Variants in ERN2 observed in about 807,000 individuals in gnomAD.
ERN2 encodes serine/threonine-protein kinase/endoribonuclease IRE2.
A neutral mutation model predicts 107.9 loss-of-function variants in ERN2; 111 were observed. That is an observed-to-expected ratio of 1.03 (90% CI 0.88 to 1.20). The LOEUF (loss-of-function observed/expected upper bound fraction) is 1.20, where lower values mean the gene tolerates loss of function less well. Ranked by LOEUF, ERN2 falls within the 50% of genes most tolerant of loss-of-function variation. The pLI, the probability that ERN2 is intolerant of heterozygous loss-of-function variation, is 0.00. For synonymous variants in ERN2, 524 were observed against 501.7 expected (o/e 1.04, Z -0.59); for missense variants, 1,225 against 1,197.9 (o/e 1.02, Z -0.33).
At position 23,704,917 on chromosome 16, in the gene ERN2, C is replaced by T; in HGVS notation, c.820G>A (p.Ala274Thr). 1 of 1,612,814 alleles carries T rather than the reference C, an allele frequency of 6.2e-7. No individual in the cohort carries two copies. Among genetic ancestry groups the T allele is most frequent in the Non-Finnish European group, 8.5e-7 (1 of 1,180,020 alleles). Residue 274 changes from alanine to threonine, a missense_variant, in exon 8 of 22, where the codon GCC (alanine) becomes ACC (threonine). Physicochemically the swap from Ala to Thr is moderately conservative, Grantham distance 58. Coordinates refer to ENST00000256797, the MANE Select transcript of ERN2 (RefSeq NM_033266.4). Reference sequence around the variant, plus strand: ...GTGTCCAAGGTAGAGAAGAGGGTGGCTGTGTCCCGGGGGCCTGAGGCAGGC... The same window carrying T: ...GTGTCCAAGGTAGAGAAGAGGGTGGTTGTGTCCCGGGGGCCTGAGGCAGGC... ...RLPASGPRDT[A>T]TLFSTLDTQL...
At chr16:23,704,741 G>T in intron 8 of ERN2, 142 bp downstream of exon 8, 1 of 971,096 alleles carries the variant, frequency 1.0e-6, no homozygotes, top group South Asian at 1.5e-5. Context: ...CAACCAGTTG[G>T]GTAAGTAACC....
intron 4 of ERN2, among the ~76,000 whole-genome samples, chr16:23,707,962 A>G (rs751698554): frequency 5.5e-4 from 83 of 152,130 alleles, no homozygotes; most frequent in Admixed American, 1.6e-3. Context: ...TGTCTGGGTT[A>G]TGTCTGTGGG....
chr16:23,700,445 A>C (rs1177259649), intron 13 of ERN2, 94 bp downstream of exon 13: 3 of 1,294,468 alleles, frequency 2.3e-6, no homozygotes, highest in Non-Finnish European at 3.2e-6. Flanking sequence ...TAACCACCCC[A>C]CTATAGTGGC....
In ERN2 at chr16:23,700,690, C is replaced by T. The variant is rs371177134; in HGVS notation, c.1374G>A (p.Val458=). 9 of 1,612,780 alleles carry T rather than the reference C, an allele frequency of 5.6e-6. No homozygotes were observed. In the African/African-American group the frequency reaches 1.1e-4, roughly 19 times the overall value. Residue 458 remains valine (V), a synonymous_variant, in exon 13 of 22, where the codon GTG becomes GTA. Coordinates refer to ENST00000256797, the MANE Select transcript of ERN2 (RefSeq NM_033266.4). ...LFVMRQQQPQ[V]VEKQQETPLA... is the part of the protein sequence containing the mutation. ...GGGGGGTCTCCTGCTGCTTCTCCAC[C>T]ACCTGCGGCTGTTGCTGTAACATGA...
intron 4 of ERN2, 43 bp from the exon 5 acceptor site, chr16:23,707,122 A>C (rs1179868068): frequency 7.2e-7 from 1 of 1,382,896 alleles, no homozygotes; most frequent in Non-Finnish European, 1.0e-6. Context: ...GAGCAGCAAC[A>C]CACAGTGCTC....
chr16:23,710,904 C>T lies in ERN2; in HGVS notation c.199+9G>A. 6.2e-7 allele frequency: 1 copy of T among 1,600,404 alleles called. No homozygotes were observed. On this transcript the variant is annotated intron_variant, in intron 2 of 21. Transcript: ENST00000256797. ...CCCAAGGAGGGAGGAGGGACCACCT[C>T]TTGCTCACCATCCCTCAGAGTCCAC...
In ERN2 at chr16:23,702,653, C is replaced by T. The variant is rs1960135209; in HGVS notation, c.904G>A (p.Ala302Thr). Reference sequence around the variant, plus strand: ...AGGGCCACTCCTGTGTGGACCAGTGCTTTAGAGACATAGAAGCCAGTTTCA... The same window carrying T: ...AGGGCCACTCCTGTGTGGACCAGTGTTTTAGAGACATAGAAGCCAGTTTCA... ...KDETGFYVSK[A>T]LVHTGVALVP... The change falls in exon 9 of 22, where the codon GCA (alanine) becomes ACA (threonine). Residue 302 changes from alanine to threonine, a missense_variant. Ala to Thr is a moderately conservative substitution (Grantham distance 58). Transcript: ENST00000256797. The T allele has an allele frequency of 1.9e-6, 3 of 1,614,204 alleles. No homozygotes were observed. Among genetic ancestry groups the T allele is most frequent in the Admixed American group, 1.7e-5 (1 of 60,024 alleles).
rs548547701 is a variant in ERN2 at position 23,694,713 on chromosome 16, G to A, written c.2100+15C>T. The A allele has an allele frequency of 1.9e-5, 30 of 1,587,156 alleles. No individual in the cohort carries two copies. In the East Asian group the frequency reaches 6.5e-4, roughly 35 times the overall value. ...GGGCAGCTGTGTGCCTGGAGGACTT[G>A]GTGGATAGACTCACAGGACTGTCTG... is the stretch of plus-strand genomic sequence containing the variant. On this transcript the variant is annotated intron_variant, in intron 17 of 21. Coordinates refer to ENST00000256797, the MANE Select transcript of ERN2 (RefSeq NM_033266.4).
intron 13 of ERN2, among the ~76,000 whole-genome samples, chr16:23,698,092 C>T (rs1487930402): frequency 6.6e-6 from 1 of 152,166 alleles, no homozygotes; most frequent in African/African-American, 2.4e-5. Flanking sequence ...ATCCTGCATA[C>T]ACATGATGGA....
chr16:23,704,593 T>C (rs1240581819), intron 8 of ERN2, among the ~76,000 whole-genome samples: 1 of 152,100 alleles, frequency 6.6e-6, no homozygotes, highest in Non-Finnish European at 1.5e-5. Flanking sequence ...GAGTCTTGGG[T>C]ATGTCTTTAT....
In ERN2 at chr16:23,707,003, T is replaced by A. The variant is rs558467407; in HGVS notation, c.379+4A>T. On this transcript the variant is annotated splice_donor_region_variant and intron_variant, in intron 5 of 21. Coordinates refer to ENST00000256797, the MANE Select transcript of ERN2 (RefSeq NM_033266.4). ...TGGACCCCACAGGCTGAAGAGATGC[T>A]CACCTGTGTAGAAGACCCCATCAGA... 1 of 1,613,026 alleles carries A rather than the reference T, an allele frequency of 6.2e-7. No homozygotes were observed. The highest frequency in any genetic ancestry group is 1.3e-5 in the African/African-American group (1 of 75,010).
chr16:23,691,709 G>A (rs577343619), intron 19 of ERN2, among the ~76,000 whole-genome samples: 1 of 152,316 alleles, frequency 6.6e-6, no homozygotes, highest in South Asian at 2.1e-4. Context: ...ATGATGACTC[G>A]GGTGGAAAGG....
chr16:23,711,210 G>T (rs1430567093), intron 1 of ERN2, among the ~76,000 whole-genome samples, 192 bp from the exon 2 acceptor site: 5 of 152,090 alleles, frequency 3.3e-5, no homozygotes, highest in Non-Finnish European at 5.9e-5. Flanking sequence ...AGTGGAAGCT[G>T]GGGGGTTCTG....
intron 8 of ERN2, among the ~76,000 whole-genome samples, chr16:23,703,914 A>G (rs1437084081): frequency 6.6e-6 from 1 of 151,890 alleles, no homozygotes; most frequent in East Asian, 1.9e-4. Context: ...CTTTCATCTC[A>G]TCCTTTATCA....
At chr16:23,698,731 G>A (rs1459605951) in intron 13 of ERN2, among the ~76,000 whole-genome samples, 1 of 152,056 alleles carries the variant, frequency 6.6e-6, no homozygotes, top group Non-Finnish European at 1.5e-5. Flanking sequence ...GGAACTACAG[G>A]CACCCACCAC....
chr16:23,690,884 A>T lies in ERN2; in HGVS notation c.2728T>A (p.Tyr910Asn). The T allele has an allele frequency of 6.2e-7, 1 of 1,613,898 alleles. No individual in the cohort carries two copies. The highest frequency in any genetic ancestry group is 8.5e-7 in the Non-Finnish European group (1 of 1,180,016). ...CASESLFLPY[Y>N]PPDSEARRPC... ...CTCCTGGCCTCTGAGTCTGGCGGGT[A>T]GTAGGGCAGGAAGAGGCTCTCAGAG... The change falls in exon 22 of 22, where the codon TAC (tyrosine) becomes AAC (asparagine). Residue 910 changes from tyrosine (Y) to asparagine (N), a missense_variant. Coordinates refer to ENST00000256797, the MANE Select transcript of ERN2 (RefSeq NM_033266.4).
chr16:23,709,941 G>GC (rs998717471), intron 4 of ERN2: 3 of 508,038 alleles, frequency 5.9e-6, no homozygotes, highest in African/African-American at 5.8e-5. Flanking sequence ...CCTGGAGAAG[G>GC]CCCTGGGATA....
At chr16:23,701,212 G>T in intron 11 of ERN2, 98 bp from the exon 12 acceptor site, 1 of 1,252,894 alleles carries the variant, frequency 8.0e-7, no homozygotes, top group Non-Finnish European at 1.1e-6. Context: ...TAGCTGAAGG[G>T]GCAGTGAGTG....
Position 23,695,899 on chromosome 16 carries a change from A to G in ERN2, c.1605T>C (p.Val535=). The change falls in exon 14 of 22, where the codon GTT becomes GTC. Residue 535 remains valine (V), a synonymous_variant. Coordinates refer to ENST00000256797, the MANE Select transcript of ERN2 (RefSeq NM_033266.4). The stretch of plus-strand genomic sequence containing the variant: ...GGCTCCTGGCTGCCACTCACCGGAA[A>G]ACGAAAGTCCCGCCTGCCCCGCGGC... ...VLGRGAGGTF[V]FRGQFEGRAV... is the part of the protein sequence containing the mutation. 6.2e-7 allele frequency: 1 copy of G among 1,613,900 alleles called. No homozygotes were observed. The highest frequency in any genetic ancestry group is 8.5e-7 in the Non-Finnish European group (1 of 1,179,852).
Sources: gnomAD v4.1 joint callset for allele counts (sites outside exome capture counted in the v4.1 genomes callset) on GRCh38, gnomAD v4.1.1 for gene constraint, MANE v1.5 for transcripts, NCBI Gene and HGNC (gene_info 2026-07-23, HGNC 2026-07-21) for gene names.